Variants in FANCL observed in about 807,000 individuals in gnomAD.
FANCL encodes the protein E3 ubiquitin-protein ligase FANCL.
FANCL carries 69 observed loss-of-function variants against 59.4 expected under a neutral mutation model. The observed-to-expected ratio is 1.16, with a 90% CI of 0.96 to 1.42. The LOEUF (loss-of-function observed/expected upper bound fraction) is 1.42, where lower values mean the gene tolerates loss of function less well. FANCL is among the 40% of genes most tolerant of loss of function. The pLI, the probability that FANCL is intolerant of heterozygous loss-of-function variation, is 0.00. For missense variants in FANCL, 519 were observed against 447.2 expected, an observed-to-expected ratio of 1.16 and a Z score of -1.45; for synonymous variants, 180 against 147.1, an observed-to-expected ratio of 1.22 and a Z score of -1.62.
Position 58,163,457 on chromosome 2 carries a change from C to T in FANCL, c.752G>A (p.Cys251Tyr), listed in dbSNP as rs1279848464. The T allele has an allele frequency of 6.2e-7, 1 of 1,610,582 alleles. No individual in the cohort carries two copies. Residue 251 changes from cysteine (C) to tyrosine (Y), a missense_variant, in exon 9 of 14, where the codon TGC becomes TAC. Coordinates refer to ENST00000233741, the MANE Select transcript of FANCL (RefSeq NM_018062.4). ...DPRHPTMLPE[C>Y]FFLGADHVVK... ...ACCATGGTCAGCTCCAAGAAAGAAG[C>T]ACTCAGGAAGCATAGTAGGATGCCT...
intron 11 of FANCL, 93 bp from the exon 12 acceptor site, chr2:58,161,731 T>G: frequency 1.3e-6 from 1 of 773,696 alleles, no homozygotes; most frequent in Non-Finnish European, 2.3e-6. Flanking sequence ...TTTTGATACA[T>G]GTATACAGTG....
chr2:58,216,315 C>T (rs1691715469), intron 5 of FANCL, among the ~76,000 whole-genome samples: 1 of 152,136 alleles, frequency 6.6e-6, no homozygotes, highest in African/African-American at 2.4e-5. Flanking sequence ...AAAAGCTAAA[C>T]CCTGTACAGA....
At position 58,180,836 on chromosome 2, in the gene FANCL, T is replaced by C. The variant is rs539253359; in HGVS notation, c.541-14962A>G. Reference sequence around the variant, plus strand: ...TGTGTGTGTGTGCCCATTTGTAATGTGCAAAGTAATCAAAAAAGAAATCGA... The same window carrying C: ...TGTGTGTGTGTGCCCATTTGTAATGCGCAAAGTAATCAAAAAAGAAATCGA... On this transcript the variant is annotated intron_variant, in intron 7 of 13. Coordinates refer to ENST00000233741, the MANE Select transcript of FANCL (RefSeq NM_018062.4). Among the ~76,000 whole-genome samples, 114 of 152,022 alleles carry C rather than the reference T, an allele frequency of 7.5e-4. 1 individual carries two copies. Among genetic ancestry groups the C allele is most frequent in the African/African-American group, 2.7e-3 (111 of 41,506 alleles).
At chr2:58,181,762 G>T (rs188399431) in intron 7 of FANCL, among the ~76,000 whole-genome samples, 279 of 151,808 alleles carry the variant, frequency 1.8e-3, no homozygotes, top group Middle Eastern at 3.4e-3. Flanking sequence ...CAGAAAATTT[G>T]TAATAAAACA....
intron 5 of FANCL, among the ~76,000 whole-genome samples, chr2:58,220,256 C>T (rs991404403): frequency 6.6e-6 from 1 of 152,062 alleles, no homozygotes; most frequent in African/African-American, 2.4e-5. Context: ...GTAAGGAAAA[C>T]GGTAAGGTAA....
rs1317563567 is a variant in FANCL, at chr2:58,159,602, T to G, written c.*163A>C. ...TGGCCTACAATTTCCCAGTTTACTCTTAGTGAAGAGACAAACGCAGATGTT... is the reference window on the plus strand; with the variant it reads ...TGGCCTACAATTTCCCAGTTTACTCGTAGTGAAGAGACAAACGCAGATGTT... On this transcript the variant is annotated 3_prime_UTR_variant, in exon 14 of 14. Transcript: ENST00000233741. 1.9e-6 allele frequency: 3 copies of G among 1,613,754 alleles called. No homozygotes were observed. Among genetic ancestry groups the G allele is most frequent in the Non-Finnish European group, 2.5e-6 (3 of 1,179,816 alleles).
At chr2:58,237,396 G>A (rs1275511312) in intron 1 of FANCL, among the ~76,000 whole-genome samples, 1 of 151,994 alleles carries the variant, frequency 6.6e-6, no homozygotes, top group Non-Finnish European at 1.5e-5. Flanking sequence ...GAAATTAAAA[G>A]GCATTTGGAA....
intron 7 of FANCL, among the ~76,000 whole-genome samples, chr2:58,172,363 G>C (rs931459411): frequency 2.0e-5 from 3 of 152,190 alleles, no homozygotes; most frequent in Admixed American, 6.5e-5. Context: ...AGTAGGGGCA[G>C]ACTGACACCT....
At chr2:58,231,999 C>A in intron 2 of FANCL, 55 bp downstream of exon 2, 1 of 1,419,622 alleles carries the variant, frequency 7.0e-7, no homozygotes, top group Non-Finnish European at 1.0e-6. Context: ...ACCAAATGTA[C>A]TGCCTGTCCC....
At chr2:58,161,697 A>G (rs1685199745) in intron 11 of FANCL, 59 bp from the exon 12 acceptor site, 25 of 1,128,256 alleles carry the variant, frequency 2.2e-5, no homozygotes, top group Non-Finnish European at 3.2e-5. Flanking sequence ...TTCGTTGTAC[A>G]TATTTGGGAG....
intron 5 of FANCL, among the ~76,000 whole-genome samples, chr2:58,207,114 A>G (rs753779903): frequency 2.0e-5 from 3 of 152,166 alleles, no homozygotes; most frequent in Non-Finnish European, 2.9e-5. Context: ...CCAGTGGACT[A>G]CAAGCACAAG....
chr2:58,192,041 T>C (rs1327822283), intron 7 of FANCL, among the ~76,000 whole-genome samples: 19 of 152,052 alleles, frequency 1.2e-4, no homozygotes, highest in Non-Finnish European at 5.9e-5. Context: ...GCTGAGCAGA[T>C]ATGAAGCCTA....
intron 3 of FANCL, 63 bp from the exon 4 acceptor site, chr2:58,226,847 T>G (rs1000557865): frequency 1.5e-6 from 2 of 1,367,728 alleles, no homozygotes; most frequent in African/African-American, 2.9e-5. Context: ...ACTAAAACTG[T>G]AAAAAAATGT....
At chr2:58,175,775 C>G (rs1687236712) in intron 7 of FANCL, among the ~76,000 whole-genome samples, 1 of 152,090 alleles carries the variant, frequency 6.6e-6, no homozygotes, top group Non-Finnish European at 1.5e-5. Context: ...GTTGGAAGTT[C>G]TGGCCAGGGC....
In FANCL at chr2:58,204,120, A is replaced by C. The variant is rs1354681758; in HGVS notation, c.471+10T>G. 1 of 1,601,530 alleles carries C rather than the reference A, an allele frequency of 6.2e-7. No individual in the cohort carries two copies. Among genetic ancestry groups the C allele is most frequent in the South Asian group, 1.1e-5 (1 of 90,834 alleles). ...TTCTGATCACAATAACAGTTTAACGAGGCACATACCTTTGCCTTCAACTTG... is the reference window on the plus strand; with the variant it reads ...TTCTGATCACAATAACAGTTTAACGCGGCACATACCTTTGCCTTCAACTTG... On this transcript the variant is annotated intron_variant, in intron 6 of 13. Coordinates refer to ENST00000233741, the MANE Select transcript of FANCL (RefSeq NM_018062.4).
chr2:58,162,296 C>T (rs569764238), intron 11 of FANCL, among the ~76,000 whole-genome samples: 3 of 152,040 alleles, frequency 2.0e-5, no homozygotes, highest in South Asian at 2.1e-4. Context: ...CAAACACTTA[C>T]ATCAAGCTAA....
intron 4 of FANCL, among the ~76,000 whole-genome samples, chr2:58,223,798 T>C (rs1242594774): frequency 1.3e-5 from 2 of 152,070 alleles, no homozygotes; most frequent in African/African-American, 2.4e-5. Context: ...ACTCCCACTA[T>C]ATGCAGTAAT....
chr2:58,234,173 A>G (rs1314598813), intron 1 of FANCL, among the ~76,000 whole-genome samples: 1 of 152,128 alleles, frequency 6.6e-6, no homozygotes, highest in Admixed American at 6.5e-5. Context: ...ATTTCAGGTG[A>G]TAACAGACTC....
In FANCL at chr2:58,225,367, A is replaced by G. The variant is rs190455830; in HGVS notation, c.273+1361T>C. On this transcript the variant is annotated intron_variant, in intron 4 of 13. Coordinates refer to ENST00000233741, the MANE Select transcript of FANCL (RefSeq NM_018062.4). ...GTATAAGCTGTACCTCAAATTAACC[A>G]AACAACTGATGAGAAGTTCTCTACA... Among the ~76,000 whole-genome samples, 27 of 152,104 alleles carry G rather than the reference A, an allele frequency of 1.8e-4. No homozygotes were observed. In the East Asian group the frequency reaches 5.0e-3, roughly 28 times the overall value.
Sources: gnomAD v4.1 joint callset for allele counts (sites outside exome capture counted in the v4.1 genomes callset) on GRCh38, gnomAD v4.1.1 for gene constraint, MANE v1.5 for transcripts, NCBI Gene and HGNC (gene_info 2026-07-23, HGNC 2026-07-21) for gene names.